TRAPPC2: variants seen among roughly 807,000 people sequenced by gnomAD.
TRAPPC2 encodes the protein sedlin.
A neutral mutation model predicts 10.0 loss-of-function variants in TRAPPC2; 4 were observed. The ratio of observed to expected loss-of-function variants is 0.40; its 90% CI spans 0.20 to 0.92. The LOEUF is 0.92. TRAPPC2 is among the 40% of genes least tolerant of loss of function. The probability of loss-of-function intolerance (pLI) is 0.35; values close to 1 mark genes in which losing one functional copy is unlikely to be tolerated. For synonymous variants in TRAPPC2, 36 were observed against 37.3 expected (o/e 0.97, Z 0.12); for missense variants, 52 against 108.7 (o/e 0.48, Z 2.32).
Position 13,719,853 on chromosome X carries a change from A to T in TRAPPC2, c.93+18T>A, listed in dbSNP as rs547920773. On this transcript the variant is annotated intron_variant, in intron 3 of 5. Transcript: ENST00000380579. ...TATTATACCATATCATTACAATAGCATAAAAATTCTTACGTACTTTGGATT... is the reference window on the plus strand; with the variant it reads ...TATTATACCATATCATTACAATAGCTTAAAAATTCTTACGTACTTTGGATT... The T allele has an allele frequency of 6.4e-6, 7 of 1,101,651 alleles. No individual in the cohort carries two copies. The Middle Eastern group carries it at 9.3e-4, about 146-fold the overall frequency. The allele number at this position is 1,101,651 out of a possible 1,213,427, so 90.8% of individuals were successfully genotyped here. A position where few individuals can be genotyped will look rare whatever the true frequency, so the allele number is the denominator to read the frequency against.
chrX:13,720,344 G>A (rs2046381814), intron 2 of TRAPPC2: 1 of 120,080 alleles, frequency 8.3e-6, no homozygotes, highest in Non-Finnish European at 1.7e-5. Context: ...GTTAGTAGCA[G>A]CACGGACACC....
intron 2 of TRAPPC2, among the ~76,000 whole-genome samples, chrX:13,726,286 G>A (rs1036671249): frequency 1.8e-5 from 2 of 110,699 alleles, no homozygotes; most frequent in Non-Finnish European, 3.8e-5. Flanking sequence ...TCGAGAAGAG[G>A]AACCCCAAGA....
rs1321655229 is a variant in TRAPPC2 at position 13,713,039 on chromosome X, CAG to C, written c.*1366_*1367del. The C allele has an allele frequency of 1.0e-5, 1 of 100,042 alleles. No homozygotes were observed. The highest frequency in any genetic ancestry group is 2.0e-5 in the Non-Finnish European group (1 of 49,996). The allele number at this position is 100,042 out of a possible 1,213,427, so 8.2% of individuals were successfully genotyped here. ...AGGAGAATTGCTTGAAGTCAGGAGG[CAG>C]AGGTTACGGTGAAACAACTGCCATT... is the stretch of plus-strand genomic sequence containing the variant. On this transcript the variant is annotated 3_prime_UTR_variant, in exon 6 of 6. Transcript: ENST00000380579.
intron 2 of TRAPPC2, among the ~76,000 whole-genome samples, chrX:13,733,204 A>G (rs1241038947): frequency 9.0e-6 from 1 of 110,611 alleles, no homozygotes; most frequent in Non-Finnish European, 1.9e-5. Flanking sequence ...ACATATCAAC[A>G]TCTTTTTAGA....
At chrX:13,719,796 T>G (rs1337323788) in intron 3 of TRAPPC2, 75 bp downstream of exon 3, 3 of 766,956 alleles carry the variant, frequency 3.9e-6, no homozygotes, top group East Asian at 3.8e-5. Context: ...TTCAGTTACC[T>G]TATCTGTCCA....
At chrX:13,733,703 T>G (rs1238999491) in intron 2 of TRAPPC2, among the ~76,000 whole-genome samples, 2 of 111,618 alleles carry the variant, frequency 1.8e-5, no homozygotes, top group Non-Finnish European at 3.8e-5. Context: ...AGCACACAAC[T>G]CTGGAGTCAG....
chrX:13,716,194 G>A, intron 4 of TRAPPC2, 105 bp from the exon 5 acceptor site: 1 of 885,835 alleles, frequency 1.1e-6, no homozygotes, highest in Non-Finnish European at 1.5e-6. Flanking sequence ...TATTTGTGAT[G>A]GAAAAGTTGA....
intron 2 of TRAPPC2, among the ~76,000 whole-genome samples, chrX:13,730,467 TG>T (rs2046651199): frequency 8.9e-6 from 1 of 111,754 alleles, no homozygotes; most frequent in South Asian, 3.7e-4. Flanking sequence ...ACACTGTTGG[TG>T]GGAGTGTAAA....
chrX:13,722,421 G>A (rs2046440901), intron 2 of TRAPPC2, among the ~76,000 whole-genome samples: 2 of 110,422 alleles, frequency 1.8e-5, no homozygotes, highest in South Asian at 3.8e-4. Flanking sequence ...ACCCAGCTGC[G>A]CAAAAGATGA....
chrX:13,717,435 G>A (rs1473286406), intron 3 of TRAPPC2, among the ~76,000 whole-genome samples: 1 of 112,314 alleles, frequency 8.9e-6, no homozygotes, highest in Non-Finnish European at 1.9e-5. Context: ...TTACTCCAAT[G>A]TAGTTCTTTG....
chrX:13,734,575 G>A lies in TRAPPC2; in HGVS notation c.-212C>T, dbSNP rs749275735. 3.7e-6 allele frequency: 2 copies of A among 544,777 alleles called. No individual in the cohort carries two copies. The highest frequency in any genetic ancestry group is 2.4e-5 in the African/African-American group (1 of 40,913). 44.9% of individuals were successfully genotyped at this position (544,777 alleles called of 1,213,427 possible). On this transcript the variant is annotated 5_prime_UTR_variant, in exon 1 of 6. Transcript: ENST00000380579. ...ACGCAATGTCAGTTTCCGCGGAAGA[G>A]ACCCGCGCCCCGAACCTGTAGCCAG...
At chrX:13,724,548 T>G (rs1301061329) in intron 2 of TRAPPC2, among the ~76,000 whole-genome samples, 1 of 111,721 alleles carries the variant, frequency 9.0e-6, no homozygotes, top group Non-Finnish European at 1.9e-5. Flanking sequence ...AAATGACTTT[T>G]CAAATAGCAA....
At position 13,714,387 on chromosome X, in the gene TRAPPC2, T is replaced by C; in HGVS notation, c.*20A>G. The C allele has an allele frequency of 9.5e-7, 1 of 1,055,543 alleles. No individual in the cohort carries two copies. Among genetic ancestry groups the C allele is most frequent in the Non-Finnish European group, 1.3e-6 (1 of 773,017 alleles). The allele number at this position is 1,055,543 out of a possible 1,213,427, so 87.0% of individuals were successfully genotyped here. On this transcript the variant is annotated 3_prime_UTR_variant, in exon 6 of 6. Coordinates refer to ENST00000380579, the MANE Select transcript of TRAPPC2 (RefSeq NM_001011658.4). ...TATACACCATTGTGGTGACATCATT[T>C]ATTTTGGAATTTTCTGCATTCAGCT...
intron 4 of TRAPPC2, 132 bp from the exon 5 acceptor site, chrX:13,716,221 T>G (rs1330496097): frequency 5.5e-6 from 4 of 728,902 alleles, no homozygotes; most frequent in Non-Finnish European, 7.8e-6. Flanking sequence ...AAACTGGGTT[T>G]AAAATTAGCT....
intron 2 of TRAPPC2, among the ~76,000 whole-genome samples, chrX:13,723,002 G>A (rs1356482166): frequency 9.3e-6 from 1 of 107,346 alleles, no homozygotes; most frequent in African/African-American, 3.4e-5. Flanking sequence ...GGCGGAGCCA[G>A]AAGAATGGTG....
intron 2 of TRAPPC2, among the ~76,000 whole-genome samples, chrX:13,728,679 C>G (rs373408470): frequency 8.9e-6 from 1 of 111,939 alleles, no homozygotes; most frequent in African/African-American, 3.3e-5. Context: ...CATTCCCTTT[C>G]AAAACTGGCA....
chrX:13,723,624 C>T (rs2046475503), intron 2 of TRAPPC2, among the ~76,000 whole-genome samples: 2 of 111,890 alleles, frequency 1.8e-5, no homozygotes, highest in African/African-American at 6.5e-5. Flanking sequence ...ATGGTCTGCT[C>T]GATTTTCCCA....
intron 5 of TRAPPC2, among the ~76,000 whole-genome samples, chrX:13,714,742 G>A (rs2046260701): frequency 8.9e-6 from 1 of 112,009 alleles, no homozygotes; most frequent in East Asian, 2.8e-4. Context: ...TATGATAAAT[G>A]TTGCCTGTGT....
intron 2 of TRAPPC2, among the ~76,000 whole-genome samples, chrX:13,728,227 G>A (rs1384235952): frequency 8.9e-6 from 1 of 111,768 alleles, no homozygotes; most frequent in African/African-American, 3.3e-5. Context: ...AGAAAAAGAG[G>A]GAATCCTCCC....
Sources: allele counts gnomAD v4.1 joint callset (sites outside exome capture counted in the v4.1 genomes callset), GRCh38; gene constraint gnomAD v4.1.1; transcripts MANE v1.5; gene names NCBI Gene and HGNC (gene_info 2026-07-23, HGNC 2026-07-21).